FMNL2: variants seen among roughly 807,000 people sequenced by gnomAD.
FMNL2 encodes the protein formin like 2.
In FMNL2, 51 loss-of-function variants were observed where a neutral mutation model predicts 130.2. The observed-to-expected ratio is 0.39, with a 90% CI of 0.31 to 0.49. The LOEUF (loss-of-function observed/expected upper bound fraction) is 0.49, where lower values mean the gene tolerates loss of function less well. FMNL2 is among the 20% of genes least tolerant of loss of function. FMNL2 has a pLI of 0.85. For synonymous variants in FMNL2, 465 were observed against 467.1 expected, an observed-to-expected ratio of 1.00 and a Z score of 0.06; for missense variants, 977 against 1,316.2, an observed-to-expected ratio of 0.74 and a Z score of 3.99.
At chr2:152,535,618 TG>T (rs1165009908) in intron 2 of FMNL2, among the ~76,000 whole-genome samples, 1 of 152,186 alleles carries the variant, frequency 6.6e-6, no homozygotes, top group Non-Finnish European at 1.5e-5. Context: ...TTCGTGTTAG[TG>T]CCTGGAAACA....
chr2:152,529,185 G>T (rs562414586), intron 2 of FMNL2, among the ~76,000 whole-genome samples: 46 of 152,212 alleles, frequency 3.0e-4, no homozygotes, highest in Non-Finnish European at 6.0e-4. Flanking sequence ...CATTGACTAG[G>T]CATTTAGTTT....
At chr2:152,393,248 A>G (rs1223462709) in intron 1 of FMNL2, among the ~76,000 whole-genome samples, 2 of 152,234 alleles carry the variant, frequency 1.3e-5, no homozygotes, top group African/African-American at 4.8e-5. Flanking sequence ...TTAAATGTAC[A>G]TGATTATAAG....
intron 1 of FMNL2, among the ~76,000 whole-genome samples, chr2:152,467,756 G>A (rs2105163054): frequency 6.6e-6 from 1 of 152,334 alleles, no homozygotes; most frequent in South Asian, 2.1e-4. Context: ...GTTTTGCCAT[G>A]GAGTGCTTCT....
At chr2:152,613,840 GA>G (rs1455560799) in intron 11 of FMNL2, among the ~76,000 whole-genome samples, 1 of 152,206 alleles carries the variant, frequency 6.6e-6, no homozygotes, top group East Asian at 1.9e-4. Context: ...GGAAAGTCAT[GA>G]CTTATGTTAC....
intron 11 of FMNL2, among the ~76,000 whole-genome samples, chr2:152,611,838 G>A (rs1367803383): frequency 6.6e-6 from 1 of 152,192 alleles, no homozygotes; most frequent in East Asian, 1.9e-4. Flanking sequence ...TAGTACGGGA[G>A]TCAGATAACC....
rs76747873 is a variant in FMNL2, at chr2:152,429,709, T to C, written c.118-92234T>C. Among the ~76,000 whole-genome samples the C allele has an allele frequency of 6.1e-3, 924 of 152,182 alleles. 16 individuals are homozygous for C. Among genetic ancestry groups the C allele is most frequent in the African/African-American group, 0.021 (887 of 41,506 alleles). Reference sequence around the variant, plus strand: ...TGCTCTTTCTTTTTTAATTTCTAAGTTTTTAGAAATTGATGCTCTCAGATA... The same window carrying C: ...TGCTCTTTCTTTTTTAATTTCTAAGCTTTTAGAAATTGATGCTCTCAGATA... On this transcript the variant is annotated intron_variant, in intron 1 of 25. Coordinates refer to ENST00000288670, the MANE Select transcript of FMNL2 (RefSeq NM_052905.4).
chr2:152,560,865 A>G lies in FMNL2; in HGVS notation c.444-18A>G, dbSNP rs1451929809. ...TGTGAATTTTTCAGTCTTCAATGGC[A>G]TTTCTCTTTTGTTTTAGTTTTGACT... On this transcript the variant is annotated intron_variant, in intron 5 of 25. Transcript: ENST00000288670. The G allele has an allele frequency of 3.1e-6, 5 of 1,598,294 alleles. No homozygotes were observed. Among genetic ancestry groups the G allele is most frequent in the South Asian group, 1.1e-5 (1 of 89,314 alleles).
At chr2:152,434,770 T>A (rs1362321649) in intron 1 of FMNL2, among the ~76,000 whole-genome samples, 7 of 152,076 alleles carry the variant, frequency 4.6e-5, no homozygotes, top group Non-Finnish European at 1.0e-4. Context: ...CTTTAATTAT[T>A]CATGCTACTT....
At chr2:152,491,160 G>GA in intron 1 of FMNL2, among the ~76,000 whole-genome samples, 1 of 152,116 alleles carries the variant, frequency 6.6e-6, no homozygotes, top group Non-Finnish European at 1.5e-5. Context: ...ATTGTTATGT[G>GA]AAAAAAGCCA....
intron 1 of FMNL2, among the ~76,000 whole-genome samples, chr2:152,512,466 G>A (rs1297373857): frequency 6.6e-6 from 1 of 152,152 alleles, no homozygotes; most frequent in Non-Finnish European, 1.5e-5. Context: ...GCTTGTCCTT[G>A]ACTGCTATAG....
intron 1 of FMNL2, among the ~76,000 whole-genome samples, chr2:152,512,593 G>A (rs1280339482): frequency 6.6e-6 from 1 of 152,142 alleles, no homozygotes; most frequent in African/African-American, 2.4e-5. Flanking sequence ...TACATAGTGA[G>A]CTCCTTTTTT....
intron 1 of FMNL2, among the ~76,000 whole-genome samples, chr2:152,510,819 C>G (rs1280516743): frequency 6.6e-6 from 1 of 152,146 alleles, no homozygotes; most frequent in Non-Finnish European, 1.5e-5. Flanking sequence ...CCTATCTTGG[C>G]TGGGCTTGTC....
chr2:152,409,346 G>T (rs545652132), intron 1 of FMNL2, among the ~76,000 whole-genome samples: 12 of 152,090 alleles, frequency 7.9e-5, no homozygotes, highest in South Asian at 4.2e-4. Context: ...ATAAGCAATG[G>T]TTTTTTTTGG....
intron 3 of FMNL2, among the ~76,000 whole-genome samples, chr2:152,547,442 G>C (rs1467440734): frequency 6.6e-6 from 1 of 152,152 alleles, no homozygotes; most frequent in African/African-American, 2.4e-5. Context: ...ACTATACCTG[G>C]ATTCTGGAAA....
At chr2:152,356,939 TATATTAAGTAATATATATAACGATAA>T (rs1682830421) in intron 1 of FMNL2, among the ~76,000 whole-genome samples, 1 of 43,254 alleles carries the variant, frequency 2.3e-5, no homozygotes, top group Non-Finnish European at 6.4e-5. Context: ...ATCAATAATA[TATATTAAGTAATATATATAACGATAA>T]ATATTAAATA....
chr2:152,539,698 T>C (rs1374187152), intron 2 of FMNL2, among the ~76,000 whole-genome samples: 1 of 152,208 alleles, frequency 6.6e-6, no homozygotes, highest in Non-Finnish European at 1.5e-5. Flanking sequence ...TAAGGAAATA[T>C]AGTCCAGTCA....
chr2:152,374,075 C>A (rs185499491), intron 1 of FMNL2, among the ~76,000 whole-genome samples: 103 of 152,230 alleles, frequency 6.8e-4, no homozygotes, highest in South Asian at 2.9e-3. Context: ...CCTTTAGGTA[C>A]TTTTCGCCTT....
intron 1 of FMNL2, among the ~76,000 whole-genome samples, chr2:152,512,538 A>G (rs1692544770): frequency 6.6e-6 from 1 of 152,206 alleles, no homozygotes; most frequent in African/African-American, 2.4e-5. Flanking sequence ...TGTATTGATG[A>G]TAATCTGGCC....
intron 1 of FMNL2, among the ~76,000 whole-genome samples, chr2:152,409,147 A>G (rs576698567): frequency 6.6e-6 from 1 of 152,334 alleles, no homozygotes; most frequent in East Asian, 1.9e-4. Context: ...TTTCATTTAT[A>G]TAACAAGATA....
Sources: allele counts gnomAD v4.1 joint callset (sites outside exome capture counted in the v4.1 genomes callset), GRCh38; gene constraint gnomAD v4.1.1; transcripts MANE v1.5; gene names NCBI Gene and HGNC (gene_info 2026-07-23, HGNC 2026-07-21).